Variants in ATP8A2 observed in about 807,000 individuals in gnomAD.
The protein encoded by ATP8A2 is ATPase phospholipid transporting 8A2.
A neutral mutation model predicts 165.6 loss-of-function variants in ATP8A2; 100 were observed. The ratio of observed to expected loss-of-function variants is 0.60; its 90% CI spans 0.51 to 0.71. ATP8A2 has a LOEUF of 0.71. Ranked by LOEUF, ATP8A2 falls within the 30% of genes least tolerant of loss-of-function variation. The pLI is 0.00. For synonymous variants in ATP8A2, 543 were observed against 548.8 expected, an observed-to-expected ratio of 0.99 and a Z score of 0.15; for missense variants, 1,227 against 1,479.5, an observed-to-expected ratio of 0.83 and a Z score of 2.80.
intron 20 of ATP8A2, among the ~76,000 whole-genome samples, chr13:25,578,027 CATATG>C (rs2039666306): frequency 1.3e-5 from 2 of 152,158 alleles, no homozygotes; most frequent in South Asian, 4.1e-4. Context: ...GTTTTGTTCT[CATATG>C]ATATATTTTT....
rs17686603 is a variant in ATP8A2, at chr13:25,912,856, T to C, written c.3184-48719T>C. Among the ~76,000 whole-genome samples, 53 of 152,220 alleles carry C rather than the reference T, an allele frequency of 3.5e-4. 1 individual carries two copies. The East Asian group carries it at 9.9e-3, about 28-fold the overall frequency. On this transcript the variant is annotated intron_variant, in intron 33 of 36. Transcript: ENST00000381655. ...CATGGTGCTGAGTGGGAGCTTCATT[T>C]TGTGGTTATGACAGCCCAATCTGAG... is the stretch of plus-strand genomic sequence containing the variant.
In ATP8A2 at chr13:25,774,905, G is replaced by A. The variant is rs752925331; in HGVS notation, c.2625G>A (p.Val875=). The A allele has an allele frequency of 2.5e-6, 4 of 1,613,834 alleles. No homozygotes were observed. The change falls in exon 27 of 37, where the codon GTG becomes GTA. Residue 875 remains valine, a synonymous_variant. Transcript: ENST00000381655. ...LVHGAWSYNR[V]TKCILYCFYK... ...ATGGAGCCTGGAGCTACAACCGGGT[G>A]ACCAAGTGCATCTTGTACTGCTTCT...
At chr13:25,897,490 G>A (rs914988417) in intron 33 of ATP8A2, among the ~76,000 whole-genome samples, 4 of 151,548 alleles carry the variant, frequency 2.6e-5, no homozygotes, top group African/African-American at 9.7e-5. Context: ...TCAACTTTTG[G>A]TGAATGTGAC....
intron 24 of ATP8A2, among the ~76,000 whole-genome samples, chr13:25,642,089 G>A (rs1199436114): frequency 6.6e-6 from 1 of 151,968 alleles, no homozygotes. Context: ...ACACCTTATA[G>A]AAAAATTAAT....
At chr13:25,720,985 A>T (rs1490266031) in intron 25 of ATP8A2, among the ~76,000 whole-genome samples, 2 of 140,312 alleles carry the variant, frequency 1.4e-5, no homozygotes, top group African/African-American at 2.7e-5. Context: ...TTTTTTCCTG[A>T]CACAGAGTCT....
intron 2 of ATP8A2, among the ~76,000 whole-genome samples, chr13:25,472,387 C>T (rs2035869633): frequency 7.3e-6 from 1 of 137,720 alleles, no homozygotes; most frequent in Admixed American, 7.0e-5. Flanking sequence ...GAGCAAGACT[C>T]CGTCTCAAAA....
intron 25 of ATP8A2, among the ~76,000 whole-genome samples, chr13:25,767,697 G>A (rs901817858): frequency 1.3e-5 from 2 of 152,214 alleles, no homozygotes; most frequent in Admixed American, 1.3e-4. Context: ...AAACCCTTGT[G>A]AAAATGCTAA....
intron 24 of ATP8A2, among the ~76,000 whole-genome samples, chr13:25,626,241 A>G (rs2041096893): frequency 6.6e-6 from 1 of 152,194 alleles, no homozygotes; most frequent in Admixed American, 6.5e-5. Context: ...AGATTGGGGT[A>G]ACTTACAAAG....
chr13:25,923,810 A>G (rs1488895236), intron 33 of ATP8A2, among the ~76,000 whole-genome samples: 1 of 152,164 alleles, frequency 6.6e-6, no homozygotes, highest in South Asian at 2.1e-4. Context: ...CATGGGGTTT[A>G]ACAATTTAAA....
chr13:25,601,283 C>G (rs1350682461), intron 24 of ATP8A2, among the ~76,000 whole-genome samples: 1 of 122,636 alleles, frequency 8.2e-6, no homozygotes, highest in African/African-American at 3.1e-5. Flanking sequence ...GATCTTTTCT[C>G]TGATGACAGG....
intron 33 of ATP8A2, among the ~76,000 whole-genome samples, chr13:25,903,755 A>G (rs1953842184): frequency 6.6e-6 from 1 of 152,160 alleles, no homozygotes. Context: ...GTGGACCGAC[A>G]TCGACACCTT....
chr13:25,879,951 C>T (rs1396917207), intron 33 of ATP8A2, among the ~76,000 whole-genome samples: 1 of 152,094 alleles, frequency 6.6e-6, no homozygotes, highest in Non-Finnish European at 1.5e-5. Flanking sequence ...TTCAGTAATG[C>T]ACACAGACAA....
rs534637299 is a variant in ATP8A2, at chr13:25,778,408, G to T, written c.2679+3449G>T. ...TTGGTTTGAGGGATTTAAAAACTAG[G>T]AACAAAATTATGCAATACATGGTTT... On this transcript the variant is annotated intron_variant, in intron 27 of 36. Transcript: ENST00000381655. Among the ~76,000 whole-genome samples, 14 of 152,198 alleles carry T rather than the reference G, an allele frequency of 9.2e-5. No individual in the cohort carries two copies. In the East Asian group the frequency reaches 2.7e-3, roughly 29 times the overall value.
chr13:25,917,319 C>T (rs1954297888), intron 33 of ATP8A2, among the ~76,000 whole-genome samples: 1 of 152,158 alleles, frequency 6.6e-6, no homozygotes, highest in African/African-American at 2.4e-5. Context: ...TTCTTTTTGT[C>T]CCCCCATTTA....
intron 2 of ATP8A2, among the ~76,000 whole-genome samples, chr13:25,524,240 A>G (rs1224768120): frequency 6.6e-6 from 1 of 152,156 alleles, no homozygotes; most frequent in Non-Finnish European, 1.5e-5. Flanking sequence ...TATGATTTCT[A>G]ACTTTTTGAA....
chr13:25,871,850 CA>C (rs1158893306), intron 33 of ATP8A2, among the ~76,000 whole-genome samples: 1 of 152,106 alleles, frequency 6.6e-6, no homozygotes, highest in Non-Finnish European at 1.5e-5. Context: ...CTTCGATTCG[CA>C]ATACTTTTTT....
chr13:26,015,171 G>A (rs1014491705), intron 36 of ATP8A2, among the ~76,000 whole-genome samples: 2 of 151,826 alleles, frequency 1.3e-5, no homozygotes, highest in African/African-American at 4.9e-5. Context: ...GAAATAAGAA[G>A]GCTTCTGAAA....
At chr13:25,566,428 CT>C (rs780387971) in intron 16 of ATP8A2, among the ~76,000 whole-genome samples, 27 of 152,256 alleles carry the variant, frequency 1.8e-4, no homozygotes, top group Middle Eastern at 6.8e-3. Flanking sequence ...ACTTTGAGCA[CT>C]CGAGAGGAAA....
intron 1 of ATP8A2, among the ~76,000 whole-genome samples, chr13:25,392,778 T>C (rs2033291768): frequency 6.6e-6 from 1 of 152,100 alleles, no homozygotes; most frequent in South Asian, 2.1e-4. Flanking sequence ...AATAAACTTT[T>C]AAAAACTGGA....
Sources: allele counts gnomAD v4.1 joint callset (sites outside exome capture counted in the v4.1 genomes callset), GRCh38; gene constraint gnomAD v4.1.1; transcripts MANE v1.5; gene names NCBI Gene and HGNC (gene_info 2026-07-23, HGNC 2026-07-21).